The following NEBL variants were observed in gnomAD, a reference collection of about 807,000 sequenced individuals.
NEBL encodes LIM and SH3 protein 2.
In NEBL, 122 loss-of-function variants were observed where a neutral mutation model predicts 140.2. That is an observed-to-expected ratio of 0.87 (90% confidence interval 0.75 to 1.01). NEBL has a LOEUF of 1.01. Ranked by LOEUF, NEBL falls within the 50% of genes least tolerant of loss-of-function variation. The pLI is 0.00. For synonymous variants in NEBL, 436 were observed against 398.9 expected, an observed-to-expected ratio of 1.09 and a Z score of -1.11; for missense variants, 1,365 against 1,231.3, an observed-to-expected ratio of 1.11 and a Z score of -1.62.
At chr10:20,850,930 A>AT (rs983166316) in intron 10 of NEBL, among the ~76,000 whole-genome samples, 1 of 152,130 alleles carries the variant, frequency 6.6e-6, no homozygotes, top group Non-Finnish European at 1.5e-5. Flanking sequence ...ATGATTCTCT[A>AT]TTTTTTCTGT....
At position 21,247,023 on chromosome 10, in the gene NEBL, A is replaced by G. The variant is rs550884988; in HGVS notation, n.348+898T>C. On this transcript the variant is annotated intron_variant and non_coding_transcript_variant, in intron 3 of 8. Transcript: ENST00000675702. Reference sequence around the variant, plus strand: ...TGAGTGAGTTCTCATGAGATCTGGCAGTTTAAAAGTGTGTAGCACCTCCCC... The same window carrying G: ...TGAGTGAGTTCTCATGAGATCTGGCGGTTTAAAAGTGTGTAGCACCTCCCC... Among the ~76,000 whole-genome samples, 4 of 152,092 alleles carry G rather than the reference A, an allele frequency of 2.6e-5. No individual in the cohort carries two copies. In the East Asian group the frequency reaches 7.8e-4, roughly 29 times the overall value.
intron 19 of NEBL, among the ~76,000 whole-genome samples, chr10:20,821,885 T>G (rs902230535): frequency 6.6e-6 from 1 of 152,192 alleles, no homozygotes; most frequent in Non-Finnish European, 1.5e-5. Context: ...CCTTGGATCT[T>G]GAACATATTT....
intron 2 of NEBL, among the ~76,000 whole-genome samples, chr10:21,249,437 C>T (rs992888546): frequency 2.0e-5 from 3 of 151,894 alleles, no homozygotes; most frequent in Non-Finnish European, 4.4e-5. Flanking sequence ...AGTGTTACAA[C>T]CAAAAAATCA....
intron 2 of NEBL, among the ~76,000 whole-genome samples, chr10:21,132,834 T>C (rs1013827873): frequency 6.6e-6 from 1 of 152,200 alleles, no homozygotes; most frequent in African/African-American, 2.4e-5. Context: ...TTACTTGTCT[T>C]TTAATAACTG....
chr10:21,112,052 G>A (rs879435470), intron 2 of NEBL, among the ~76,000 whole-genome samples: 38 of 152,256 alleles, frequency 2.5e-4, no homozygotes, highest in Non-Finnish European at 3.7e-4. Flanking sequence ...ACCATCTCAC[G>A]CCAGTTAGAA....
intron 2 of NEBL, among the ~76,000 whole-genome samples, chr10:21,078,096 A>G (rs1836188979): frequency 6.6e-6 from 1 of 152,180 alleles, no homozygotes; most frequent in South Asian, 2.1e-4. Flanking sequence ...GAAGATGGAA[A>G]TGCATTCTAT....
intron 3 of NEBL, among the ~76,000 whole-genome samples, chr10:20,998,593 T>C (rs2131706132): frequency 6.6e-6 from 1 of 152,254 alleles, no homozygotes; most frequent in South Asian, 2.1e-4. Context: ...ACCATAAAAA[T>C]GCTACGTCTA....
intron 1 of NEBL, among the ~76,000 whole-genome samples, chr10:21,268,444 C>T (rs1202069398): frequency 6.6e-6 from 1 of 152,122 alleles, no homozygotes; most frequent in Non-Finnish European, 1.5e-5. Flanking sequence ...GTTCATGCCA[C>T]TGTGCTCCAG....
chr10:21,151,061 G>A (rs1221913684), intron 2 of NEBL, among the ~76,000 whole-genome samples: 1 of 152,194 alleles, frequency 6.6e-6, no homozygotes, highest in African/African-American at 2.4e-5. Context: ...AGACGGGAAG[G>A]ATGAAATGAG....
intron 2 of NEBL, chr10:21,125,929 G>T (rs1288955385): frequency 6.2e-7 from 1 of 1,614,188 alleles, no homozygotes; most frequent in Admixed American, 1.7e-5. Context: ...TGGTCCCAGA[G>T]ACAGCCTTGG....
At position 20,974,498 on chromosome 10, in the gene NEBL, C is replaced by G. The variant is rs570517872; in HGVS notation, c.250-12719G>C. ...TGAGGTGGGCAAGTAATCTGTCCAC[C>G]TCAACCTCACAAAGTGCCGGAACTA... On this transcript the variant is annotated intron_variant, in intron 3 of 6. Transcript: ENST00000417816. 2.6e-5 allele frequency among the ~76,000 whole-genome samples: 4 copies of G among 152,238 alleles called. No homozygotes were observed. The East Asian group carries it at 7.7e-4, about 29-fold the overall frequency.
intron 3 of NEBL, among the ~76,000 whole-genome samples, chr10:20,985,648 C>A (rs1241524154): frequency 6.6e-6 from 1 of 152,104 alleles, no homozygotes; most frequent in Non-Finnish European, 1.5e-5. Flanking sequence ...GTAGTGAAAA[C>A]ACTCTACTGT....
intron 2 of NEBL, chr10:21,113,009 C>A: frequency 4.0e-6 from 1 of 249,668 alleles, no homozygotes; most frequent in Non-Finnish European, 7.6e-6. Flanking sequence ...GTAAAACTTG[C>A]TGCCACTCCT....
At chr10:21,015,191 G>A (rs1209873919) in intron 3 of NEBL, among the ~76,000 whole-genome samples, 1 of 152,084 alleles carries the variant, frequency 6.6e-6, no homozygotes, top group Non-Finnish European at 1.5e-5. Flanking sequence ...CTCTACAGAA[G>A]ACCAGGTTTC....
chr10:21,147,613 C>G (rs1839955532), intron 2 of NEBL, among the ~76,000 whole-genome samples: 1 of 152,152 alleles, frequency 6.6e-6, no homozygotes, highest in Non-Finnish European at 1.5e-5. Flanking sequence ...CCTTTCTTCC[C>G]AGGGAGTCCT....
intron 2 of NEBL, among the ~76,000 whole-genome samples, chr10:21,118,344 G>A (rs1838377239): frequency 6.6e-6 from 1 of 152,112 alleles, no homozygotes; most frequent in South Asian, 2.1e-4. Flanking sequence ...GGGGCAAAAT[G>A]TTCACTCTCC....
At chr10:20,918,143 G>A (rs1314507788) in intron 4 of NEBL, among the ~76,000 whole-genome samples, 1 of 151,516 alleles carries the variant, frequency 6.6e-6, no homozygotes, top group Non-Finnish European at 1.5e-5. Context: ...CAGATCACTT[G>A]AGGTCAGGAG....
At chr10:21,159,905 C>G (rs1840485480) in intron 2 of NEBL, among the ~76,000 whole-genome samples, 1 of 152,224 alleles carries the variant, frequency 6.6e-6, no homozygotes, top group South Asian at 2.1e-4. Context: ...CAGGTGAGGT[C>G]ATAAATATTC....
chr10:20,861,234 G>A (rs1303040880), intron 7 of NEBL, among the ~76,000 whole-genome samples: 2 of 152,154 alleles, frequency 1.3e-5, no homozygotes, highest in Non-Finnish European at 2.9e-5. Flanking sequence ...CTGGAGTGCA[G>A]TGGCACGATC....
Sources: gnomAD v4.1 joint callset for allele counts (sites outside exome capture counted in the v4.1 genomes callset) on GRCh38, gnomAD v4.1.1 for gene constraint, MANE v1.5 for transcripts, NCBI Gene and HGNC (gene_info 2026-07-23, HGNC 2026-07-21) for gene names.